LPCAT1: variants seen among roughly 807,000 people sequenced by gnomAD.
LPCAT1 encodes lysophosphatidylcholine acyltransferase 1, also known as 1-acylglycerol-3-phosphate O-acyltransferase.
A neutral mutation model predicts 60.9 loss-of-function variants in LPCAT1; 23 were observed. The observed-to-expected ratio is 0.38, with a 90% CI of 0.27 to 0.53. LPCAT1 has a LOEUF of 0.53. Ranked by LOEUF, LPCAT1 falls within the 20% of genes least tolerant of loss-of-function variation. LPCAT1 has a pLI of 0.82. For synonymous variants in LPCAT1, 340 were observed against 301.1 expected, an observed-to-expected ratio of 1.13 and a Z score of -1.34; for missense variants, 622 against 723.6, an observed-to-expected ratio of 0.86 and a Z score of 1.61.
chr5:1,482,321 G>A (rs768809690), intron 6 of LPCAT1, among the ~76,000 whole-genome samples: 8 of 142,216 alleles, frequency 5.6e-5, no homozygotes, highest in Non-Finnish European at 1.2e-4. Flanking sequence ...GGAACCGGAA[G>A]TATTCTGAGC....
rs1218990815 is a variant in LPCAT1 at position 1,476,854 on chromosome 5, G to A, written c.899+550C>T. On this transcript the variant is annotated intron_variant, in intron 9 of 13. Coordinates refer to ENST00000283415, the MANE Select transcript of LPCAT1 (RefSeq NM_024830.5). The surrounding 1 kb of genome is among the most constrained non-coding windows in gnomAD (Gnocchi z 8.6). ...ACCGAGGGAGGGAGAGGGGGAGGGC[G>A]TGTGAGCCGACAGCACTGCCGGCCA... Among the ~76,000 whole-genome samples, 7 of 151,498 alleles carry A rather than the reference G, an allele frequency of 4.6e-5. No individual in the cohort carries two copies. The highest frequency in any genetic ancestry group is 7.3e-5 in the African/African-American group (3 of 40,820).
At chr5:1,478,047 T>C (rs1734995120) in intron 8 of LPCAT1, among the ~76,000 whole-genome samples, 1 of 152,294 alleles carries the variant, frequency 6.6e-6, no homozygotes, top group Non-Finnish European at 1.5e-5. Context: ...CTTACGCCCA[T>C]TTCTGACAGC....
Position 1,480,434 on chromosome 5 carries a change from C to T in LPCAT1, c.761+508G>A, listed in dbSNP as rs2126522044. 1.1e-6 allele frequency: 1 copy of T among 940,224 alleles called. No homozygotes were observed. The highest frequency in any genetic ancestry group is 4.9e-5 in the South Asian group (1 of 20,398). 58.2% of individuals were successfully genotyped at this position (940,224 alleles called of 1,614,324 possible). A position where few individuals can be genotyped will look rare whatever the true frequency, so the allele number is the denominator to read the frequency against. On this transcript the variant is annotated intron_variant, in intron 7 of 13. Transcript: ENST00000283415. The surrounding 1 kb of genome is among the most constrained non-coding windows in gnomAD (Gnocchi z 6.4). ...GACGTCAGCACCCAGGAGGCCCTGA[C>T]CAGCCTGTGGCCCCGGGCTTCTCCT... is the stretch of plus-strand genomic sequence containing the variant.
chr5:1,515,935 T>A (rs1579817049), intron 1 of LPCAT1, among the ~76,000 whole-genome samples: 1 of 152,346 alleles, frequency 6.6e-6, no homozygotes, highest in East Asian at 1.9e-4. Flanking sequence ...ACCAGTAACG[T>A]CTGTGAGGCA....
intron 2 of LPCAT1, among the ~76,000 whole-genome samples, chr5:1,499,625 G>A (rs1234384299): frequency 6.6e-6 from 1 of 152,212 alleles, no homozygotes; most frequent in Non-Finnish European, 1.5e-5. Flanking sequence ...TGATGATCCT[G>A]TTGCCCCTAA....
Position 1,481,571 on chromosome 5 carries a change from C to T in LPCAT1, c.727-595G>A, listed in dbSNP as rs148491515. Among the ~76,000 whole-genome samples the T allele has an allele frequency of 3.2e-3, 482 of 152,390 alleles. 1 individual carries two copies. The highest frequency in any genetic ancestry group is 0.01 in the African/African-American group (436 of 41,594). Reference sequence around the variant, plus strand: ...ACACCGTCACCCTGGGGTGGACCTTCTGCTCCCCTGACGGCTAAGCTAGTG... The same window carrying T: ...ACACCGTCACCCTGGGGTGGACCTTTTGCTCCCCTGACGGCTAAGCTAGTG... On this transcript the variant is annotated intron_variant, in intron 6 of 13. Transcript: ENST00000283415. The surrounding 1 kb of genome is among the most constrained non-coding windows in gnomAD (Gnocchi z 7.8).
rs1043463696 is a variant in LPCAT1, at chr5:1,479,735, C to G, written c.762-60G>C. The G allele has an allele frequency of 2.0e-5, 26 of 1,316,234 alleles. No individual in the cohort carries two copies. The Admixed American group carries it at 4.5e-4, about 23-fold the overall frequency. 81.5% of individuals were successfully genotyped at this position (1,316,234 alleles called of 1,614,324 possible). On this transcript the variant is annotated intron_variant, in intron 7 of 13. Coordinates refer to ENST00000283415, the MANE Select transcript of LPCAT1 (RefSeq NM_024830.5). ...ACAACTCGGGTTAACAAGTAAATTA[C>G]TCCCAATTCTGGGGTGAAACCTCCA...
intron 1 of LPCAT1, among the ~76,000 whole-genome samples, chr5:1,516,831 C>G (rs1579817702): frequency 6.6e-6 from 1 of 152,152 alleles, no homozygotes; most frequent in South Asian, 2.1e-4. Context: ...TAGAGGGCCA[C>G]CAGTCACAGC....
At chr5:1,509,473 G>A (rs921131045) in intron 1 of LPCAT1, among the ~76,000 whole-genome samples, 2 of 152,208 alleles carry the variant, frequency 1.3e-5, no homozygotes, top group African/African-American at 2.4e-5. Context: ...TCCTTTTAGA[G>A]AAAGAACAAC....
chr5:1,494,664 A>G (rs1259650854), intron 3 of LPCAT1, 36 bp downstream of exon 3: 1 of 1,574,964 alleles, frequency 6.3e-7, no homozygotes, highest in Admixed American at 1.7e-5. Context: ...CCAGCAGGGC[A>G]GGGTCCCTCA....
At position 1,517,754 on chromosome 5, in the gene LPCAT1, A is replaced by G. The variant is rs13167684; in HGVS notation, c.135+5956T>C. ...TAGTGACCATAGCTTGACATTTTCT[A>G]AAGACTACAGTTCGTCTAGGAACAG... is the stretch of plus-strand genomic sequence containing the variant. On this transcript the variant is annotated intron_variant, in intron 1 of 13. Coordinates refer to ENST00000283415, the MANE Select transcript of LPCAT1 (RefSeq NM_024830.5). 9.2e-3 allele frequency among the ~76,000 whole-genome samples: 1,399 copies of G among 152,336 alleles called. 22 individuals carry two copies. Among genetic ancestry groups the G allele is most frequent in the Non-Finnish European group, 0.01 (690 of 68,026 alleles).
chr5:1,474,408 C>T (rs1200922344), intron 10 of LPCAT1, 152 bp downstream of exon 10: 2 of 1,155,876 alleles, frequency 1.7e-6, no homozygotes, highest in African/African-American at 1.6e-5. Context: ...GATTGAAAGA[C>T]ACTATGTGGG....
chr5:1,493,723 G>A (rs1338052843), intron 3 of LPCAT1, among the ~76,000 whole-genome samples: 1 of 152,354 alleles, frequency 6.6e-6, no homozygotes, highest in African/African-American at 2.4e-5. Flanking sequence ...GTGGGTGAGG[G>A]GCCACGCAGG....
Position 1,463,582 on chromosome 5 carries a change from C to T in LPCAT1, c.*69G>A, listed in dbSNP as rs1369281755. The T allele has an allele frequency of 1.2e-5, 18 of 1,543,326 alleles. No individual in the cohort carries two copies. Among genetic ancestry groups the T allele is most frequent in the Non-Finnish European group, 1.5e-5 (17 of 1,130,472 alleles). ...GGAGTGAGGAGCGGAGCCCAGAGGT[C>T]ACTCGCAAAGAGGCTCATGGCGGTG... On this transcript the variant is annotated 3_prime_UTR_variant, in exon 14 of 14. Coordinates refer to ENST00000283415, the MANE Select transcript of LPCAT1 (RefSeq NM_024830.5).
chr5:1,490,542 C>T (rs1735538498), intron 3 of LPCAT1, among the ~76,000 whole-genome samples: 1 of 152,188 alleles, frequency 6.6e-6, no homozygotes. Context: ...CCAATGCGGC[C>T]AGCACTTTGT....
At chr5:1,506,383 T>C (rs1736188642) in intron 1 of LPCAT1, among the ~76,000 whole-genome samples, 2 of 152,208 alleles carry the variant, frequency 1.3e-5, no homozygotes, top group African/African-American at 4.8e-5. Flanking sequence ...GGGTGACTGC[T>C]GTGACTCCTT....
At position 1,489,886 on chromosome 5, in the gene LPCAT1, C is replaced by T. The variant is rs537958962; in HGVS notation, c.494-28G>A. 27 of 1,511,198 alleles carry T rather than the reference C, an allele frequency of 1.8e-5. 1 individual carries two copies. Among genetic ancestry groups the T allele is most frequent in the Admixed American group, 3.3e-5 (2 of 59,872 alleles). The allele number at this position is 1,511,198 out of a possible 1,614,324, so 93.6% of individuals were successfully genotyped here. A position where few individuals can be genotyped will look rare whatever the true frequency, so the allele number is the denominator to read the frequency against. ...GGAAGAGAGGAGGGGAGACGGATCA[C>T]GTGGAATGCACGGCTCCCGCCAGGC... On this transcript the variant is annotated intron_variant, in intron 3 of 13. Transcript: ENST00000283415.
chr5:1,512,550 C>T (rs989885597), intron 1 of LPCAT1, among the ~76,000 whole-genome samples: 1 of 152,248 alleles, frequency 6.6e-6, no homozygotes, highest in African/African-American at 2.4e-5. Context: ...GACTTTCAAC[C>T]TTGTGTACTA....
At chr5:1,465,757 C>T (rs1411728932) in intron 13 of LPCAT1, among the ~76,000 whole-genome samples, 3 of 128,360 alleles carry the variant, frequency 2.3e-5, no homozygotes, top group Non-Finnish European at 5.0e-5. Flanking sequence ...CATGTGTACA[C>T]AAACGTGTGC....
Sources: gnomAD v4.1 joint callset for allele counts (sites outside exome capture counted in the v4.1 genomes callset) on GRCh38, gnomAD v4.1.1 for gene constraint, Gnocchi (gnomAD v3.1) non-coding constraint, MANE v1.5 for transcripts, NCBI Gene and HGNC (gene_info 2026-07-23, HGNC 2026-07-21) for gene names.